The following SGCZ variants were observed in gnomAD, a reference collection of about 807,000 sequenced individuals.
SGCZ encodes the protein sarcoglycan zeta, also known as zeta-sarcoglycan.
In SGCZ, 40 loss-of-function variants were observed where a neutral mutation model predicts 41.3. That is an observed-to-expected ratio of 0.97 (90% CI 0.75 to 1.26). The LOEUF (loss-of-function observed/expected upper bound fraction) is 1.26. Among genes scored for constraint, SGCZ ranks in the 50% most tolerant of loss-of-function variants. The pLI, the probability that SGCZ is intolerant of heterozygous loss-of-function variation, is 0.00. For synonymous variants in SGCZ, 206 were observed against 137.5 expected, an observed-to-expected ratio of 1.50 and a Z score of -3.49; for missense variants, 552 against 369.8, an observed-to-expected ratio of 1.49 and a Z score of -4.04.
intron 1 of SGCZ, among the ~76,000 whole-genome samples, chr8:14,685,216 C>A (rs1048953585): frequency 6.6e-6 from 1 of 151,800 alleles, no homozygotes. Flanking sequence ...TTATTTGCAC[C>A]TGGAATAATT....
intron 5 of SGCZ, among the ~76,000 whole-genome samples, chr8:14,116,661 G>A (rs1445327688): frequency 1.3e-5 from 2 of 151,972 alleles, no homozygotes; most frequent in African/African-American, 4.8e-5. Context: ...ACCTTTTGTT[G>A]CTCAAGGTTG....
intron 5 of SGCZ, among the ~76,000 whole-genome samples, chr8:14,135,521 T>C (rs1269550693): frequency 6.6e-6 from 1 of 152,166 alleles, no homozygotes; most frequent in Non-Finnish European, 1.5e-5. Flanking sequence ...TAGATGGGTA[T>C]AGTAATCTGA....
intron 7 of SGCZ, among the ~76,000 whole-genome samples, chr8:14,098,520 T>A (rs1178591387): frequency 2.6e-5 from 4 of 152,154 alleles, no homozygotes. Context: ...TCAGTCCCTT[T>A]TCCTTACACC....
intron 1 of SGCZ, among the ~76,000 whole-genome samples, chr8:15,050,645 C>A (rs368680295): frequency 6.6e-6 from 1 of 152,200 alleles, no homozygotes; most frequent in African/African-American, 2.4e-5. Flanking sequence ...TGGAGGTCAA[C>A]CTTTCATCAG....
At chr8:14,651,395 T>C (rs970990365) in intron 1 of SGCZ, among the ~76,000 whole-genome samples, 1 of 152,098 alleles carries the variant, frequency 6.6e-6, no homozygotes, top group Non-Finnish European at 1.5e-5. Context: ...TCTGAAATGA[T>C]AGAAGATACA....
intron 2 of SGCZ, among the ~76,000 whole-genome samples, chr8:14,524,006 C>T (rs1163340792): frequency 6.6e-6 from 1 of 152,038 alleles, no homozygotes. Context: ...CATCATTCTG[C>T]TGTTGAAAAC....
chr8:14,313,977 A>G (rs1186604079), intron 3 of SGCZ, among the ~76,000 whole-genome samples: 1 of 150,552 alleles, frequency 6.6e-6, no homozygotes, highest in Admixed American at 6.7e-5. Flanking sequence ...AAGATGAAAA[A>G]CCACAGGTAA....
intron 1 of SGCZ, among the ~76,000 whole-genome samples, chr8:15,212,129 G>A (rs1460520375): frequency 6.6e-6 from 1 of 152,066 alleles, no homozygotes; most frequent in African/African-American, 2.4e-5. Context: ...CGACTGCATG[G>A]ATGCCTAAAT....
intron 1 of SGCZ, among the ~76,000 whole-genome samples, chr8:15,192,229 C>T (rs544173503): frequency 6.6e-6 from 1 of 151,288 alleles, no homozygotes; most frequent in East Asian, 2.0e-4. Context: ...TGGTGACATT[C>T]TTTTATTCCT....
intron 1 of SGCZ, among the ~76,000 whole-genome samples, chr8:15,003,963 G>C (rs1442146537): frequency 2.6e-5 from 4 of 152,286 alleles, no homozygotes; most frequent in South Asian, 4.1e-4. Context: ...CAATGTGTTA[G>C]AGTAGGAAAA....
At chr8:14,814,335 T>C (rs1308269518) in intron 1 of SGCZ, among the ~76,000 whole-genome samples, 8 of 152,114 alleles carry the variant, frequency 5.3e-5, no homozygotes, top group Non-Finnish European at 7.4e-5. Flanking sequence ...TAGGGCCCTG[T>C]TTGAGTTTTT....
At chr8:14,136,077 A>C (rs1212826125) in intron 5 of SGCZ, among the ~76,000 whole-genome samples, 1 of 152,226 alleles carries the variant, frequency 6.6e-6, no homozygotes, top group Non-Finnish European at 1.5e-5. Context: ...AGAAATCCTC[A>C]ACAAACTATT....
intron 4 of SGCZ, among the ~76,000 whole-genome samples, chr8:14,235,755 G>T (rs568229691): frequency 6.6e-6 from 1 of 152,074 alleles, no homozygotes. Context: ...CCCAATCTCG[G>T]CTCACTGCAA....
chr8:14,628,297 G>C (rs960540768), intron 1 of SGCZ, among the ~76,000 whole-genome samples: 1 of 151,756 alleles, frequency 6.6e-6, no homozygotes, highest in African/African-American at 2.4e-5. Flanking sequence ...TTTGTCTTGA[G>C]TTTTAAAATT....
intron 1 of SGCZ, among the ~76,000 whole-genome samples, chr8:14,559,176 G>A (rs1386000224): frequency 2.0e-5 from 3 of 152,024 alleles, no homozygotes; most frequent in African/African-American, 7.2e-5. Context: ...AATTGGTAAA[G>A]AGAAAGTCAA....
chr8:14,876,137 G>A (rs1279646743), intron 1 of SGCZ, among the ~76,000 whole-genome samples: 1 of 152,082 alleles, frequency 6.6e-6, no homozygotes. Context: ...AGATCGGACT[G>A]CCTAGGGATC....
intron 3 of SGCZ, among the ~76,000 whole-genome samples, chr8:14,312,236 GTTCAAA>G (rs2117001338): frequency 6.6e-6 from 1 of 152,174 alleles, no homozygotes; most frequent in East Asian, 1.9e-4. Context: ...TCTTACTGTG[GTTCAAA>G]TTCAAAAAAG....
intron 2 of SGCZ, among the ~76,000 whole-genome samples, chr8:14,520,992 AT>A (rs1345367824): frequency 2.0e-5 from 3 of 152,144 alleles, no homozygotes; most frequent in African/African-American, 7.2e-5. Flanking sequence ...TTTAATTACA[AT>A]TTTTGTTTTG....
chr8:14,768,428 A>G (rs1024171102), intron 1 of SGCZ, among the ~76,000 whole-genome samples: 1 of 152,210 alleles, frequency 6.6e-6, no homozygotes, highest in Non-Finnish European at 1.5e-5. Context: ...AACACTGAAG[A>G]ATGACTTAAG....
Sources: allele counts gnomAD v4.1 joint callset (sites outside exome capture counted in the v4.1 genomes callset), GRCh38; gene constraint gnomAD v4.1.1; transcripts MANE v1.5; gene names NCBI Gene and HGNC (gene_info 2026-07-23, HGNC 2026-07-21).